Variants in VPS13A observed in about 807,000 individuals in gnomAD.
VPS13A encodes the protein vacuolar protein sorting 13 homolog A, also known as intermembrane lipid transfer protein VPS13A.
Under a neutral mutation model 390.9 loss-of-function variants are expected in VPS13A, and 264 were observed. The observed-to-expected ratio is 0.68, with a 90% CI of 0.61 to 0.75. VPS13A has a LOEUF of 0.75. Ranked by LOEUF, VPS13A falls within the 30% of genes least tolerant of loss-of-function variation. The pLI is 0.00. For synonymous variants in VPS13A, 1,231 were observed against 1,227.1 expected, an observed-to-expected ratio of 1.00 and a Z score of -0.07; for missense variants, 3,409 against 3,733.9, an observed-to-expected ratio of 0.91 and a Z score of 2.27.
rs574434161 is a variant in VPS13A at position 77,207,300 on chromosome 9, A to C, written c.385+1221A>C. ...ACATGCATATTATCTATAACATAAC[A>C]TATTTTATAACATATAATTAATGAC... On this transcript the variant is annotated intron_variant, in intron 5 of 71. Coordinates refer to ENST00000360280, the MANE Select transcript of VPS13A (RefSeq NM_033305.3). 2.1e-5 allele frequency among the ~76,000 whole-genome samples: 3 copies of C among 141,904 alleles called. No individual in the cohort carries two copies. In the East Asian group the frequency reaches 6.4e-4, roughly 30 times the overall value. 93.1% of individuals were successfully genotyped at this position (141,904 alleles called of 152,430 possible).
intron 68 of VPS13A, among the ~76,000 whole-genome samples, chr9:77,384,157 GTTATTTTC>G (rs1563980482): frequency 6.6e-6 from 1 of 151,446 alleles, no homozygotes; most frequent in Admixed American, 6.6e-5. Flanking sequence ...TGTTTCTCAT[GTTATTTTC>G]TTATTTTCTA....
intron 67 of VPS13A, among the ~76,000 whole-genome samples, chr9:77,377,479 A>G (rs1833170393): frequency 1.3e-5 from 2 of 152,104 alleles, no homozygotes; most frequent in South Asian, 2.1e-4. Context: ...TCGGCCTCCC[A>G]AAGTGCTGGT....
chr9:77,304,142 C>T (rs1476677599), intron 34 of VPS13A, among the ~76,000 whole-genome samples: 1 of 152,112 alleles, frequency 6.6e-6, no homozygotes, highest in Admixed American at 6.5e-5. Context: ...TGCATTGTGC[C>T]CCAGGTTTAT....
chr9:77,226,079 T>G (rs1002942167), intron 14 of VPS13A, 91 bp downstream of exon 14: 2 of 1,244,032 alleles, frequency 1.6e-6, no homozygotes, highest in Non-Finnish European at 2.3e-6. Context: ...CTGTAACATA[T>G]TGTTTCCAAA....
chr9:77,284,247 G>T (rs1375160291), intron 31 of VPS13A, among the ~76,000 whole-genome samples: 1 of 152,096 alleles, frequency 6.6e-6, no homozygotes. Flanking sequence ...ATTTAAGGAG[G>T]TTAAAGGAAT....
At chr9:77,308,665 T>C (rs1828902718) in intron 35 of VPS13A, among the ~76,000 whole-genome samples, 1 of 152,204 alleles carries the variant, frequency 6.6e-6, no homozygotes, top group South Asian at 2.1e-4. Context: ...CTCTGTGGAA[T>C]GTGGCTGGTT....
At chr9:77,314,758 G>A in intron 37 of VPS13A, 94 bp downstream of exon 37, 2 of 1,227,864 alleles carry the variant, frequency 1.6e-6, no homozygotes, top group Non-Finnish European at 2.4e-6. Flanking sequence ...CATTTTCTGA[G>A]TGCATCCTAG....
chr9:77,219,039 A>G (rs1054931129), intron 10 of VPS13A, among the ~76,000 whole-genome samples: 3 of 152,162 alleles, frequency 2.0e-5, no homozygotes, highest in Admixed American at 2.0e-4. Flanking sequence ...GTGGAACTTC[A>G]GTAAGGTGGG....
chr9:77,239,757 G>C (rs938696871), intron 19 of VPS13A, among the ~76,000 whole-genome samples: 80 of 151,702 alleles, frequency 5.3e-4, no homozygotes, highest in Admixed American at 2.5e-3. Context: ...TTGTGCTTTT[G>C]AATTTGGTTT....
intron 57 of VPS13A, among the ~76,000 whole-genome samples, chr9:77,358,756 T>C (rs1456029727): frequency 1.3e-5 from 2 of 152,244 alleles, no homozygotes; most frequent in South Asian, 4.1e-4. Flanking sequence ...AGTTCAAATC[T>C]AGAGTGTTTT....
chr9:77,187,737 G>A (rs1439429766), intron 1 of VPS13A, among the ~76,000 whole-genome samples: 3 of 151,906 alleles, frequency 2.0e-5, no homozygotes, highest in African/African-American at 7.3e-5. Flanking sequence ...TAGGTTCATG[G>A]GGTACATGTG....
intron 5 of VPS13A, among the ~76,000 whole-genome samples, chr9:77,208,316 C>G (rs1041185894): frequency 6.6e-6 from 1 of 151,996 alleles, no homozygotes; most frequent in Non-Finnish European, 1.5e-5. Flanking sequence ...TTTCCTTTAT[C>G]TAAGGCCTCC....
intron 2 of VPS13A, among the ~76,000 whole-genome samples, chr9:77,201,031 C>A (rs1444813343): frequency 6.6e-6 from 1 of 151,902 alleles, no homozygotes; most frequent in African/African-American, 2.4e-5. Flanking sequence ...TTTTAATCTC[C>A]CTAAAAGCAT....
At chr9:77,315,109 A>G in intron 37 of VPS13A, 144 bp from the exon 38 acceptor site, 2 of 697,226 alleles carry the variant, frequency 2.9e-6, no homozygotes, top group Non-Finnish European at 2.4e-6. Context: ...TATTTGGAAC[A>G]CTTTATGGAT....
At chr9:77,243,349 T>A (rs1374633608) in intron 19 of VPS13A, among the ~76,000 whole-genome samples, 1 of 152,164 alleles carries the variant, frequency 6.6e-6, no homozygotes, top group Admixed American at 6.5e-5. Context: ...GTGAATATGA[T>A]CTTTGAGGAT....
intron 71 of VPS13A, among the ~76,000 whole-genome samples, chr9:77,414,739 TTAATAATAATAA>T (rs148536381): frequency 1.1e-4 from 16 of 145,672 alleles, no homozygotes; most frequent in African/African-American, 3.3e-4. Context: ...TGAAGTATAA[TTAATAATAATAA>T]TAATAATAAT....
intron 58 of VPS13A, 86 bp downstream of exon 58, chr9:77,359,488 A>T: frequency 8.6e-7 from 1 of 1,159,308 alleles, no homozygotes; most frequent in Middle Eastern, 2.6e-4. Flanking sequence ...ATGTTGGACA[A>T]GTCAAAGATT....
chr9:77,361,117 A>G (rs774898864), intron 59 of VPS13A, among the ~76,000 whole-genome samples: 1 of 152,120 alleles, frequency 6.6e-6, no homozygotes, highest in Non-Finnish European at 1.5e-5. Flanking sequence ...AATTAGTAAC[A>G]GTCTATTGAG....
rs369569934 is a variant in VPS13A at position 77,293,768 on chromosome 9, T to C, written c.3507+260T>C. On this transcript the variant is annotated intron_variant, in intron 32 of 71. Transcript: ENST00000360280. The stretch of plus-strand genomic sequence containing the variant: ...TTATGTGCATTATATATCATAAATA[T>C]GTTATATATTAATTAGAACCTTCGT... Among the ~76,000 whole-genome samples the C allele has an allele frequency of 4.0e-4, 61 of 152,152 alleles. No homozygotes were observed. In the South Asian group the frequency reaches 7.7e-3, roughly 19 times the overall value.
Sources: allele counts gnomAD v4.1 joint callset (sites outside exome capture counted in the v4.1 genomes callset), GRCh38; gene constraint gnomAD v4.1.1; transcripts MANE v1.5; gene names NCBI Gene and HGNC (gene_info 2026-07-23, HGNC 2026-07-21).